ETNK2: variants seen among roughly 807,000 people sequenced by gnomAD.
ETNK2 encodes ethanolamine kinase 2.
Under a neutral mutation model 46.2 loss-of-function variants are expected in ETNK2, and 33 were observed. The ratio of observed to expected loss-of-function variants is 0.71; its 90% CI spans 0.54 to 0.96. ETNK2 has a LOEUF of 0.96. Ranked by LOEUF, ETNK2 falls within the 40% of genes least tolerant of loss-of-function variation. The pLI is 0.00. For synonymous variants in ETNK2, 194 were observed against 209.0 expected, an observed-to-expected ratio of 0.93 and a Z score of 0.62; for missense variants, 445 against 509.7, an observed-to-expected ratio of 0.87 and a Z score of 1.22.
rs548341006 is a variant in ETNK2, at chr1:204,151,870, C to A, written c.-18G>T. On this transcript the variant is annotated 5_prime_UTR_variant, in exon 1 of 8. Coordinates refer to ENST00000367202, the MANE Select transcript of ETNK2 (RefSeq NM_018208.4). This position sits in a 1 kb window ranked among gnomAD's most constrained non-coding sequence, Gnocchi z 8.0. Reference sequence around the variant, plus strand: ...ACAGCCATTCCCAGCAGCCCCACCCCCTCGGAGCCGCGGCAGACGCTAGCC... The same window carrying A: ...ACAGCCATTCCCAGCAGCCCCACCCACTCGGAGCCGCGGCAGACGCTAGCC... The A allele has an allele frequency of 1.1e-5, 16 of 1,421,212 alleles. No individual in the cohort carries two copies. The African/African-American group carries it at 2.1e-4, about 19-fold the overall frequency. 88.0% of individuals were successfully genotyped at this position (1,421,212 alleles called of 1,614,324 possible). A position where few individuals can be genotyped will look rare whatever the true frequency, so the allele number is the denominator to read the frequency against.
chr1:204,136,097 TATAC>T (rs2102282116), intron 6 of ETNK2, among the ~76,000 whole-genome samples: 1 of 152,020 alleles, frequency 6.6e-6, no homozygotes, highest in South Asian at 2.1e-4. Flanking sequence ...TATATATGTA[TATAC>T]ACACACACAT....
chr1:204,141,389 G>A lies in ETNK2; in HGVS notation c.710C>T (p.Ser237Phe), dbSNP rs1473410420. The A allele has an allele frequency of 6.2e-7, 1 of 1,613,790 alleles. No individual in the cohort carries two copies. The highest frequency in any genetic ancestry group is 8.5e-7 in the Non-Finnish European group (1 of 1,179,814). The part of the protein sequence containing the change: ...RELAWLKEHL[S>F]QLESPVVFCH... ...AAACACCACAGGGGACTCCAGCTGG[G>A]ACAGATGCTCCTTCAGCCAGGCCAG... The change falls in exon 4 of 8, where the codon TCC (serine) becomes TTC (phenylalanine). Residue 237 changes from serine (S) to phenylalanine (F), a missense_variant. Ser to Phe is a radical substitution (Grantham distance 155). Coordinates refer to ENST00000367202, the MANE Select transcript of ETNK2 (RefSeq NM_018208.4).
At chr1:204,136,842 A>AT (rs1470096999) in intron 6 of ETNK2, among the ~76,000 whole-genome samples, 18 of 152,206 alleles carry the variant, frequency 1.2e-4, no homozygotes, top group Non-Finnish European at 2.6e-4. Flanking sequence ...GGAAGCTAGG[A>AT]TATTTCTTGG....
intron 2 of ETNK2, chr1:204,147,129 T>A (rs933251207): frequency 1.8e-5 from 7 of 398,956 alleles, no homozygotes; most frequent in Middle Eastern, 1.7e-3. Flanking sequence ...GGGGCGGGGC[T>A]GGCCCTCCTC....
At chr1:204,141,836 A>T (rs1270645215) in intron 3 of ETNK2, 1 of 199,012 alleles carries the variant, frequency 5.0e-6, no homozygotes, top group Admixed American at 5.3e-5. Flanking sequence ...ACTAAGAACA[A>T]GGGCAACAGG....
rs1167018483 is a variant in ETNK2, at chr1:204,131,616, G to A, written c.*568C>T. 3.2e-5 allele frequency: 5 copies of A among 158,506 alleles called. No homozygotes were observed. Among genetic ancestry groups the A allele is most frequent in the Non-Finnish European group, 7.0e-5 (5 of 71,454 alleles). The allele number at this position is 158,506 out of a possible 1,614,324, so 9.8% of individuals were successfully genotyped here. A position where few individuals can be genotyped will look rare whatever the true frequency, so the allele number is the denominator to read the frequency against. On this transcript the variant is annotated 3_prime_UTR_variant, in exon 8 of 8. Transcript: ENST00000367202. This position sits in a 1 kb window ranked among gnomAD's most constrained non-coding sequence, Gnocchi z 4.3. Reference sequence around the variant, plus strand: ...TGATTGGATCTGGTTTGGAGAAGGTGAGGGATCTCAGAGGAGGTGGCTGCT... The same window carrying A: ...TGATTGGATCTGGTTTGGAGAAGGTAAGGGATCTCAGAGGAGGTGGCTGCT...
rs554543246 is a variant in ETNK2 at position 204,140,109 on chromosome 1, C to A, written c.794G>T (p.Arg265Leu). 2.5e-6 allele frequency: 4 copies of A among 1,613,422 alleles called. No individual in the cohort carries two copies. The South Asian group carries it at 4.4e-5, about 18-fold the overall frequency. The change falls in exon 5 of 8, where the codon CGG becomes CTG. Residue 265 changes from arginine to leucine, a missense_variant. Coordinates refer to ENST00000367202, the MANE Select transcript of ETNK2 (RefSeq NM_018208.4). ...IIYDSIKGHVRFIDYEYAGYN... is the reference protein window; with the variant it reads ...IIYDSIKGHVLFIDYEYAGYN... Reference sequence around the variant, plus strand: ...GCCAGCATATTCATAGTCAATGAACCGCACGTGACCTATGAAGTAGAGGAG... The same window carrying A: ...GCCAGCATATTCATAGTCAATGAACAGCACGTGACCTATGAAGTAGAGGAG...
In ETNK2 at chr1:204,151,388, G is replaced by T. The variant is rs1657999061; in HGVS notation, c.258+207C>A. On this transcript the variant is annotated intron_variant, in intron 1 of 7. Coordinates refer to ENST00000367202, the MANE Select transcript of ETNK2 (RefSeq NM_018208.4). The surrounding 1 kb of genome is among the most constrained non-coding windows in gnomAD (Gnocchi z 8.0). ...GCGTGCCTAAGAGCCCCGGGAGGAG[G>T]GGGGCGTGTGCAGGGCCAAGGGAGG... The T allele has an allele frequency of 7.2e-6, 5 of 698,642 alleles. No homozygotes were observed. Among genetic ancestry groups the T allele is most frequent in the East Asian group, 6.4e-5 (2 of 31,054 alleles). The allele number at this position is 698,642 out of a possible 1,614,324, so 43.3% of individuals were successfully genotyped here.
At chr1:204,134,471 G>GGC in intron 7 of ETNK2, 44 bp downstream of exon 7, 1 of 1,603,086 alleles carries the variant, frequency 6.2e-7, no homozygotes, top group Non-Finnish European at 8.5e-7. Context: ...GCTCAACCAA[G>GGC]GCTCTCCCTT....
In ETNK2 at chr1:204,132,084, C is replaced by T. The variant is rs1416560533; in HGVS notation, c.*100G>A. ...CTCCCTGGACACCCATGTGTCCCCTCTCCCACCCTGTCCAAGGGTGTGGAT... is the reference window on the plus strand; with the variant it reads ...CTCCCTGGACACCCATGTGTCCCCTTTCCCACCCTGTCCAAGGGTGTGGAT... On this transcript the variant is annotated 3_prime_UTR_variant, in exon 8 of 8. Transcript: ENST00000367202. 18 of 980,774 alleles carry T rather than the reference C, an allele frequency of 1.8e-5. No homozygotes were observed. In the East Asian group the frequency reaches 4.4e-4, roughly 24 times the overall value. The allele number at this position is 980,774 out of a possible 1,614,324, so 60.8% of individuals were successfully genotyped here. A position where few individuals can be genotyped will look rare whatever the true frequency, so the allele number is the denominator to read the frequency against.
intron 2 of ETNK2, chr1:204,147,522 C>G (rs1657837137): frequency 1.9e-6 from 1 of 533,386 alleles, no homozygotes; most frequent in Non-Finnish European, 3.8e-6. Context: ...CCCAGCTGGG[C>G]CCTCCCAGTC....
chr1:204,149,600 C>T, intron 2 of ETNK2, 103 bp downstream of exon 2: 1 of 1,384,846 alleles, frequency 7.2e-7, no homozygotes, highest in Non-Finnish European at 9.6e-7. Flanking sequence ...TTTCAGGGAA[C>T]TCACAGATCT....
intron 2 of ETNK2, chr1:204,147,567 C>T (rs1239682988): frequency 5.6e-6 from 3 of 532,480 alleles, no homozygotes; most frequent in Admixed American, 1.9e-5. Context: ...TCCCACCCCC[C>T]AACCGTCTGC....
chr1:204,146,802 G>A, intron 2 of ETNK2, 38 bp from the exon 3 acceptor site: 1 of 1,612,956 alleles, frequency 6.2e-7, no homozygotes, highest in South Asian at 1.1e-5. Flanking sequence ...CATCAGTGCT[G>A]GGACATTGCC....
At chr1:204,150,296 C>T (rs1657956139) in intron 1 of ETNK2, among the ~76,000 whole-genome samples, 1 of 152,190 alleles carries the variant, frequency 6.6e-6, no homozygotes, top group South Asian at 2.1e-4. Flanking sequence ...CCCTCCACCC[C>T]AGTACGGAAA....
intron 2 of ETNK2, among the ~76,000 whole-genome samples, chr1:204,147,160 C>A (rs749301588): frequency 1.3e-5 from 2 of 152,216 alleles, no homozygotes; most frequent in Non-Finnish European, 2.9e-5. Flanking sequence ...CTGACCCATC[C>A]TCTCAGGGGA....
intron 3 of ETNK2, chr1:204,141,858 G>C (rs185555787): frequency 1.7e-4 from 32 of 186,556 alleles, no homozygotes; most frequent in Non-Finnish European, 3.4e-4. Context: ...GCAGTGGGGA[G>C]AGATGCAAAA....
rs1159748405 is a variant in ETNK2, at chr1:204,146,693, C to T, written c.590G>A (p.Trp197Ter). The T allele has an allele frequency of 6.2e-7, 1 of 1,614,012 alleles. No homozygotes were observed. Among genetic ancestry groups the T allele is most frequent in the Admixed American group, 1.7e-5 (1 of 60,022 alleles). ...CGTGAAATAATTGTGCATCTTGTGC[C>T]AGAGGATGGGCTTGGGCAGGCTGCC... is the stretch of plus-strand genomic sequence containing the variant. ...ANGSLPKPIL[W>*]HKMHNYFTLV... The change falls in exon 3 of 8, where the codon TGG becomes TAG. Residue 197 changes from tryptophan to a stop codon, truncating the protein, a stop_gained. Coordinates refer to ENST00000367202, the MANE Select transcript of ETNK2 (RefSeq NM_018208.4). LOFTEE classifies it high-confidence loss of function.
intron 2 of ETNK2, 158 bp from the exon 3 acceptor site, chr1:204,146,922 G>A (rs1181598758): frequency 1.2e-6 from 1 of 857,382 alleles, no homozygotes; most frequent in Non-Finnish European, 1.9e-6. Flanking sequence ...CACAGGTCCT[G>A]CAGAAGGAAG....
Sources: gnomAD v4.1 joint callset for allele counts (sites outside exome capture counted in the v4.1 genomes callset) on GRCh38, gnomAD v4.1.1 for gene constraint, Gnocchi (gnomAD v3.1) non-coding constraint, MANE v1.5 for transcripts, NCBI Gene and HGNC (gene_info 2026-07-23, HGNC 2026-07-21) for gene names.